Variants in SLC8A1 observed in about 807,000 individuals in gnomAD.
The protein encoded by SLC8A1 is solute carrier family 8 member A1.
A neutral mutation model predicts 68.3 loss-of-function variants in SLC8A1; 18 were observed. The observed-to-expected ratio is 0.26, with a 90% CI of 0.18 to 0.39. The LOEUF (loss-of-function observed/expected upper bound fraction) is 0.39, where lower values mean the gene tolerates loss of function less well. Ranked by LOEUF, SLC8A1 falls within the 10% of genes least tolerant of loss-of-function variation. The pLI is 1.00. For missense variants in SLC8A1, 985 were observed against 1,156.7 expected, an observed-to-expected ratio of 0.85 and a Z score of 2.15; for synonymous variants, 475 against 415.5, an observed-to-expected ratio of 1.14 and a Z score of -1.74.
chr2:40,329,051 A>G (rs905444021), intron 2 of SLC8A1, among the ~76,000 whole-genome samples: 1 of 139,526 alleles, frequency 7.2e-6, no homozygotes, highest in African/African-American at 2.8e-5. Context: ...ATCTCCTCAC[A>G]CTACAACCTC....
At chr2:40,304,391 C>T (rs1476974036) in intron 2 of SLC8A1, among the ~76,000 whole-genome samples, 2 of 152,138 alleles carry the variant, frequency 1.3e-5, no homozygotes, top group Admixed American at 6.5e-5. Flanking sequence ...TTCTGGAATC[C>T]CTATGTTAAT....
intron 2 of SLC8A1, among the ~76,000 whole-genome samples, chr2:40,379,190 C>A (rs986387443): frequency 8.5e-5 from 13 of 152,170 alleles, no homozygotes; most frequent in African/African-American, 2.4e-4. Flanking sequence ...AATTACTGGA[C>A]CCTCTCTTGA....
At chr2:40,477,407 C>G (rs148580080) in intron 1 of SLC8A1, among the ~76,000 whole-genome samples, 1 of 152,132 alleles carries the variant, frequency 6.6e-6, no homozygotes. Context: ...AATGATCCAC[C>G]TACTCCTTCT....
intron 4 of SLC8A1, among the ~76,000 whole-genome samples, chr2:40,168,811 C>T (rs7558668): frequency 0.43 from 64,706 of 152,104 alleles, 16,149 homozygotes; most frequent in Non-Finnish European, 0.58. Flanking sequence ...CTTTCTCCTC[C>T]TGAGTGCACA....
At chr2:40,452,377 G>A (rs1427513743), upstream of SLC8A1, among the ~76,000 whole-genome samples, 2 of 152,054 alleles carry the variant, frequency 1.3e-5, no homozygotes, top group African/African-American at 2.4e-5. Context: ...AGCCTCTGCC[G>A]GCGAGCAGCT....
At chr2:40,336,561 A>G (rs1467656400) in intron 2 of SLC8A1, among the ~76,000 whole-genome samples, 2 of 152,136 alleles carry the variant, frequency 1.3e-5, no homozygotes, top group Non-Finnish European at 2.9e-5. Flanking sequence ...CACATCCCTT[A>G]GGGAAGTTAT....
At chr2:40,412,415 G>A (rs1343474426) in intron 2 of SLC8A1, among the ~76,000 whole-genome samples, 1 of 151,978 alleles carries the variant, frequency 6.6e-6, no homozygotes, top group Non-Finnish European at 1.5e-5. Context: ...AACCATTTAT[G>A]GTATATTAGG....
chr2:40,344,375 A>C (rs1284124950), intron 2 of SLC8A1, among the ~76,000 whole-genome samples: 2 of 152,034 alleles, frequency 1.3e-5, no homozygotes, highest in Non-Finnish European at 2.9e-5. Flanking sequence ...TTGGAGGGAG[A>C]GATTTAGCCT....
intron 1 of SLC8A1, among the ~76,000 whole-genome samples, chr2:40,463,525 C>G (rs12466482): frequency 0.47 from 72,069 of 151,926 alleles, 17,880 homozygotes; most frequent in Middle Eastern, 0.55. Flanking sequence ...CTCTCTCATA[C>G]AAAATTTAGC....
intron 1 of SLC8A1, among the ~76,000 whole-genome samples, chr2:40,473,057 T>A (rs1203574803): frequency 1.1e-5 from 1 of 89,064 alleles, no homozygotes; most frequent in African/African-American, 4.5e-5. Flanking sequence ...GAAGTCAGAA[T>A]GGCGGGAGGG....
chr2:40,403,293 A>T (rs1689295846), intron 2 of SLC8A1, among the ~76,000 whole-genome samples: 1 of 152,194 alleles, frequency 6.6e-6, no homozygotes, highest in African/African-American at 2.4e-5. Context: ...TTAAGAAGAA[A>T]TAAACTCTTA....
intron 1 of SLC8A1, among the ~76,000 whole-genome samples, chr2:40,470,040 C>T (rs1027594128): frequency 2.6e-5 from 4 of 152,092 alleles, no homozygotes; most frequent in African/African-American, 9.7e-5. Flanking sequence ...TTTGGTTTCC[C>T]TAAAGTTCAG....
chr2:40,242,721 C>A lies in SLC8A1; in HGVS notation c.1809-64866G>T, dbSNP rs529941172. 1.1e-4 allele frequency among the ~76,000 whole-genome samples: 16 copies of A among 152,234 alleles called. 1 individual carries two copies. In the East Asian group the frequency reaches 2.7e-3, roughly 26 times the overall value. ...ATCCAGAGATTTTAAAATATGGTAT[C>A]TATAATTACAAGAAACAACAAGAAA... is the stretch of plus-strand genomic sequence containing the variant. On this transcript the variant is annotated intron_variant, in intron 2 of 7. Coordinates refer to ENST00000406785, the Ensembl canonical transcript of SLC8A1.
chr2:40,358,435 G>C (rs972287660), intron 2 of SLC8A1, among the ~76,000 whole-genome samples: 3 of 152,186 alleles, frequency 2.0e-5, no homozygotes, highest in Non-Finnish European at 4.4e-5. Flanking sequence ...ATAAAAGGCA[G>C]TGAATATATC....
chr2:40,164,883 C>T (rs1216578848), exon 5 of SLC8A1: 1 of 1,613,998 alleles, frequency 6.2e-7, no homozygotes, highest in Non-Finnish European at 8.5e-7. Context: ...TCAATGATCA[C>T]TTCCAACTTG....
At chr2:40,176,896 A>G (rs1195303203) in intron 3 of SLC8A1, among the ~76,000 whole-genome samples, 1 of 152,190 alleles carries the variant, frequency 6.6e-6, no homozygotes, top group Non-Finnish European at 1.5e-5. Flanking sequence ...CCATTAGAGG[A>G]TAATTATATG....
At chr2:40,182,377 C>T (rs1031599020) in intron 2 of SLC8A1, among the ~76,000 whole-genome samples, 1 of 152,032 alleles carries the variant, frequency 6.6e-6, no homozygotes, top group African/African-American at 2.4e-5. Flanking sequence ...ACTATAAAAA[C>T]TGTGGTTTCT....
Position 40,476,202 on chromosome 2 carries a change from A to G in SLC8A1, c.-25+36147T>C, listed in dbSNP as rs138616327. On this transcript the variant is annotated intron_variant, in intron 1 of 7. Transcript: ENST00000402441. ...TCCTCATATTATCTAATTTGCAACA[A>G]CCAATTTTCACTTGTCTTTCTCAAA... is the stretch of plus-strand genomic sequence containing the variant. Among the ~76,000 whole-genome samples, 602 of 152,268 alleles carry G rather than the reference A, an allele frequency of 4.0e-3. 3 individuals carry two copies. The highest frequency in any genetic ancestry group is 0.014 in the African/African-American group (578 of 41,550).
At chr2:40,308,809 A>T (rs912990802) in intron 2 of SLC8A1, among the ~76,000 whole-genome samples, 1 of 152,144 alleles carries the variant, frequency 6.6e-6, no homozygotes, top group Non-Finnish European at 1.5e-5. Context: ...AAAGGGCAAA[A>T]CTTTGTCATC....
Sources: allele counts gnomAD v4.1 joint callset (sites outside exome capture counted in the v4.1 genomes callset), GRCh38; gene constraint gnomAD v4.1.1; transcripts MANE v1.5; gene names NCBI Gene and HGNC (gene_info 2026-07-23, HGNC 2026-07-21).